Variants in RSPRY1 observed in about 807,000 individuals in gnomAD.
RSPRY1 encodes ring finger and SPRY domain containing 1.
RSPRY1 carries 23 observed loss-of-function variants against 73.1 expected under a neutral mutation model. That is an observed-to-expected ratio of 0.31 (90% CI 0.23 to 0.45). The LOEUF (loss-of-function observed/expected upper bound fraction) is 0.45, where lower values mean the gene tolerates loss of function less well. RSPRY1 is among the 20% of genes least tolerant of loss of function. RSPRY1 has a pLI of 1.00. For synonymous variants in RSPRY1, 226 were observed against 251.4 expected, an observed-to-expected ratio of 0.90 and a Z score of 0.95; for missense variants, 448 against 698.7, an observed-to-expected ratio of 0.64 and a Z score of 4.05.
intron 1 of RSPRY1, among the ~76,000 whole-genome samples, chr16:57,196,922 A>G (rs2146189187): frequency 6.6e-6 from 1 of 152,278 alleles, no homozygotes; most frequent in Admixed American, 6.5e-5. Flanking sequence ...TGAGATAAGA[A>G]CTGTTACTAT....
intron 10 of RSPRY1, among the ~76,000 whole-genome samples, chr16:57,221,750 T>C (rs2075040006): frequency 6.6e-6 from 1 of 152,232 alleles, no homozygotes; most frequent in African/African-American, 2.4e-5. Context: ...TAGTGCTGAT[T>C]ATTACCTTGA....
In RSPRY1 at chr16:57,216,069, A is replaced by ATTT. The variant is rs11391063; in HGVS notation, c.703-22_703-20dup. ...AACTTGCCACCTCTGCAGGGGAATG[A>ATTT]TTTTTTTTTTTTTTTTTTATCTTTT... On this transcript the variant is annotated intron_variant, in intron 6 of 14. Transcript: ENST00000394420. 7.1e-4 allele frequency: 848 copies of ATTT among 1,199,300 alleles called. 4 individuals carry two copies. The highest frequency in any genetic ancestry group is 1.2e-3 in the Admixed American group (54 of 45,254). The allele number at this position is 1,199,300 out of a possible 1,614,324, so 74.3% of individuals were successfully genotyped here.
chr16:57,234,418 C>T (rs1439236675), intron 13 of RSPRY1, among the ~76,000 whole-genome samples: 2 of 152,162 alleles, frequency 1.3e-5, no homozygotes, highest in African/African-American at 4.8e-5. Flanking sequence ...TTTTACTTAT[C>T]TTGTTTATTT....
In RSPRY1 at chr16:57,212,963, T is replaced by C. The variant is rs2074872774; in HGVS notation, c.517-9T>C. 1.2e-6 allele frequency: 2 copies of C among 1,613,210 alleles called. No homozygotes were observed. Among genetic ancestry groups the C allele is most frequent in the Admixed American group, 1.7e-5 (1 of 59,890 alleles). On this transcript the variant is annotated splice_polypyrimidine_tract_variant and intron_variant, in intron 4 of 14. Transcript: ENST00000394420. ...ATGGGTCAAACCCACTTGTACTTTT[T>C]TGTTTTAGGATGCACTCCAGAAATT...
Position 57,200,636 on chromosome 16 carries a change from G to C in RSPRY1, c.-155-3868G>C, listed in dbSNP as rs1441359783. ...GGGCAGAGGCGCCCCTCACCTCCCG[G>C]ACGGGGCGGCTGGCCGGGCGGGGGG... On this transcript the variant is annotated intron_variant, in intron 1 of 14. Coordinates refer to ENST00000394420, the MANE Select transcript of RSPRY1 (RefSeq NM_133368.3). Among the ~76,000 whole-genome samples the C allele has an allele frequency of 3.4e-4, 49 of 146,256 alleles. No homozygotes were observed. In the East Asian group the frequency reaches 9.2e-3, roughly 28 times the overall value.
intron 10 of RSPRY1, among the ~76,000 whole-genome samples, chr16:57,226,107 G>T (rs1362845154): frequency 1.3e-5 from 2 of 152,150 alleles, no homozygotes; most frequent in Non-Finnish European, 2.9e-5. Flanking sequence ...AACTGCCAAG[G>T]ACCTGTACAA....
intron 8 of RSPRY1, 82 bp downstream of exon 8, chr16:57,217,117 T>C: frequency 6.6e-7 from 1 of 1,520,742 alleles, no homozygotes; most frequent in South Asian, 1.1e-5. Context: ...GTCTTCCTTT[T>C]GCAATGGTAA....
At position 57,214,012 on chromosome 16, in the gene RSPRY1, A is replaced by G. The variant is rs2074894394; in HGVS notation, c.702+66A>G. On this transcript the variant is annotated intron_variant, in intron 6 of 14. Transcript: ENST00000394420. ...AAGTGGGCATCATCTAGAACTGTGC[A>G]TTTTCTCAAATTGCTGGCATAGCCA... The G allele has an allele frequency of 1.1e-5, 12 of 1,060,478 alleles. No homozygotes were observed. In the South Asian group the frequency reaches 1.4e-4, roughly 13 times the overall value. 65.7% of individuals were successfully genotyped at this position (1,060,478 alleles called of 1,614,324 possible). A position where few individuals can be genotyped will look rare whatever the true frequency, so the allele number is the denominator to read the frequency against.
In RSPRY1 at chr16:57,221,397, C is replaced by T; in HGVS notation, c.1143C>T (p.Asp381=). The T allele has an allele frequency of 6.2e-7, 1 of 1,613,730 alleles. No homozygotes were observed. The highest frequency in any genetic ancestry group is 8.5e-7 in the Non-Finnish European group (1 of 1,179,840). ...TGCAGATTGGCTGGGCCACTCGAGA[C>T]AGCAAATTCCTCAATCATGTGAGTA... ...GVMQIGWATR[D]SKFLNHEGYG... is the part of the protein sequence containing the mutation. The change falls in exon 10 of 15, where the codon GAC becomes GAT. Residue 381 remains aspartate, a synonymous_variant. Transcript: ENST00000394420.
rs34138044 is a variant in RSPRY1, at chr16:57,208,302, C to CTT, written c.403+214_403+215dup. On this transcript the variant is annotated intron_variant, in intron 3 of 14. Transcript: ENST00000394420. ...GTATAATAGGCAATGCATATTATAC[C>CTT]TTTTTTTTTTTTTTTTTTTTTTTGG... Among the ~76,000 whole-genome samples, 587 of 79,108 alleles carry CTT rather than the reference C, an allele frequency of 7.4e-3. 20 individuals are homozygous for CTT. The highest frequency in any genetic ancestry group is 0.026 in the African/African-American group (462 of 17,886). 51.9% of individuals were successfully genotyped at this position (79,108 alleles called of 152,430 possible). A position where few individuals can be genotyped will look rare whatever the true frequency, so the allele number is the denominator to read the frequency against.
rs768294786 is a variant in RSPRY1 at position 57,221,330 on chromosome 16, G to A, written c.1076G>A (p.Gly359Glu). 2 of 1,614,072 alleles carry A rather than the reference G, an allele frequency of 1.2e-6. No individual in the cohort carries two copies. The highest frequency in any genetic ancestry group is 1.7e-6 in the Non-Finnish European group (2 of 1,180,034). Residue 359 changes from glycine to glutamate, a missense_variant, in exon 10 of 15, where the codon GGG (glycine) becomes GAG (glutamate). By Grantham distance (98) the Gly-to-Glu change is moderately conservative. Coordinates refer to ENST00000394420, the MANE Select transcript of RSPRY1 (RefSeq NM_133368.3). Reference protein sequence around the residue: ...SVRCTFCVDAGVWYYEVTVVT... With the variant: ...SVRCTFCVDAEVWYYEVTVVT... The stretch of plus-strand genomic sequence containing the variant: ...CGTTGCACCTTTTGTGTGGATGCCG[G>A]GGTATGGTACTATGAAGTAACAGTG...
chr16:57,202,878 T>TTATATATATATATATATA lies in RSPRY1; in HGVS notation c.-155-1614_-155-1597dup, dbSNP rs55701001. Among the ~76,000 whole-genome samples the TTATATATATATATATATA allele has an allele frequency of 6.5e-3, 852 of 131,270 alleles. 2 individuals are homozygous for TTATATATATATATATATA. The highest frequency in any genetic ancestry group is 0.024 in the East Asian group (86 of 3,624). The allele number at this position is 131,270 out of a possible 152,430, so 86.1% of individuals were successfully genotyped here. A position where few individuals can be genotyped will look rare whatever the true frequency, so the allele number is the denominator to read the frequency against. ...TTTATATATATTTTATTACATATGATTATATATATATATATATATATATAT... is the reference window on the plus strand; with the variant it reads ...TTTATATATATTTTATTACATATGATTATATATATATATATATATATATATATATATATATATATATAT... On this transcript the variant is annotated intron_variant, in intron 1 of 14. Coordinates refer to ENST00000394420, the MANE Select transcript of RSPRY1 (RefSeq NM_133368.3).
At chr16:57,192,891 T>A (rs1284008756) in intron 1 of RSPRY1, among the ~76,000 whole-genome samples, 1 of 152,048 alleles carries the variant, frequency 6.6e-6, no homozygotes, top group African/African-American at 2.4e-5. Context: ...AATTTGTGTA[T>A]TTTTTGTAGA....
intron 2 of RSPRY1, chr16:57,207,652 G>A (rs887929337): frequency 2.4e-5 from 11 of 458,098 alleles, no homozygotes; most frequent in Non-Finnish European, 4.4e-5. Flanking sequence ...TCCTCAACCG[G>A]GATTGTCGTC....
chr16:57,212,911 A>G, intron 4 of RSPRY1, 61 bp from the exon 5 acceptor site: 1 of 1,533,468 alleles, frequency 6.5e-7, no homozygotes, highest in Non-Finnish European at 8.8e-7. Flanking sequence ...AAAAAAAATG[A>G]GCCTGGGAAA....
At position 57,231,255 on chromosome 16, in the gene RSPRY1, A is replaced by G. The variant is rs1344422296; in HGVS notation, c.1465A>G (p.Met489Val). 1 of 1,613,928 alleles carries G rather than the reference A, an allele frequency of 6.2e-7. No individual in the cohort carries two copies. The highest frequency in any genetic ancestry group is 8.5e-7 in the Non-Finnish European group (1 of 1,179,964). ...AAAACCATTCAAATACCCACCATCTATGAAATTTAGCACTTTTAATGACTA... is the reference window on the plus strand; with the variant it reads ...AAAACCATTCAAATACCCACCATCTGTGAAATTTAGCACTTTTAATGACTA... Reference protein sequence around the residue: ...GAKPFKYPPSMKFSTFNDYAF... With the variant: ...GAKPFKYPPSVKFSTFNDYAF... The change falls in exon 13 of 15, where the codon ATG becomes GTG. Residue 489 changes from methionine to valine, a missense_variant. Met to Val is a conservative substitution (Grantham distance 21). Transcript: ENST00000394420.
At chr16:57,202,906 A>ATATATATATATC (rs1230196481) in intron 1 of RSPRY1, among the ~76,000 whole-genome samples, 1 of 144,090 alleles carries the variant, frequency 6.9e-6, no homozygotes, top group Non-Finnish European at 1.5e-5. Context: ...ATATATATAT[A>ATATATATATATC]TCTGAAGACT....
chr16:57,198,379 G>A lies in RSPRY1; in HGVS notation c.-155-6125G>A, dbSNP rs574254308. Among the ~76,000 whole-genome samples the A allele has an allele frequency of 1.1e-3, 146 of 129,392 alleles. 1 individual carries two copies. The highest frequency in any genetic ancestry group is 3.7e-3 in the Admixed American group (46 of 12,436). The allele number at this position is 129,392 out of a possible 152,430, so 84.9% of individuals were successfully genotyped here. A position where few individuals can be genotyped will look rare whatever the true frequency, so the allele number is the denominator to read the frequency against. ...AGCCTGGGCGACAGAGCAAGACTCC[G>A]TCTCAAAAAAAAAAAATTGTACTAA... is the stretch of plus-strand genomic sequence containing the variant. On this transcript the variant is annotated intron_variant, in intron 1 of 14. Transcript: ENST00000394420.
rs2075343438 is a variant in RSPRY1 at position 57,239,063 on chromosome 16, T to C, written c.*88T>C. ...AGAAAAAAAAAACTCTCTAATCAGTTGTACACACATTGAAACTTATAGCCA... is the reference window on the plus strand; with the variant it reads ...AGAAAAAAAAAACTCTCTAATCAGTCGTACACACATTGAAACTTATAGCCA... On this transcript the variant is annotated 3_prime_UTR_variant, in exon 15 of 15. Transcript: ENST00000394420. 3.5e-6 allele frequency: 2 copies of C among 568,102 alleles called. No individual in the cohort carries two copies. Among genetic ancestry groups the C allele is most frequent in the Non-Finnish European group, 5.8e-6 (2 of 345,716 alleles). The allele number at this position is 568,102 out of a possible 1,614,324, so 35.2% of individuals were successfully genotyped here. A position where few individuals can be genotyped will look rare whatever the true frequency, so the allele number is the denominator to read the frequency against.
Sources: gnomAD v4.1 joint callset for allele counts (sites outside exome capture counted in the v4.1 genomes callset) on GRCh38, gnomAD v4.1.1 for gene constraint, MANE v1.5 for transcripts, NCBI Gene and HGNC (gene_info 2026-07-23, HGNC 2026-07-21) for gene names.